CCDC171: variants seen among roughly 807,000 people sequenced by gnomAD.
CCDC171 encodes the protein coiled-coil domain containing 171.
Under a neutral mutation model 168.2 loss-of-function variants are expected in CCDC171, and 177 were observed. That is an observed-to-expected ratio of 1.05 (90% CI 0.93 to 1.19). The LOEUF (loss-of-function observed/expected upper bound fraction) is 1.19. Ranked by LOEUF, CCDC171 falls within the 50% of genes most tolerant of loss-of-function variation. CCDC171 has a pLI of 0.00. For synonymous variants in CCDC171, 687 were observed against 540.8 expected (o/e 1.27, Z -3.75); for missense variants, 1,991 against 1,539.0 (o/e 1.29, Z -4.91).
At chr9:15,905,960 A>C (rs1309222767) in intron 24 of CCDC171, among the ~76,000 whole-genome samples, 1 of 152,232 alleles carries the variant, frequency 6.6e-6, no homozygotes, top group Non-Finnish European at 1.5e-5. Context: ...ACACCCTCCC[A>C]AGACTAAACC....
intron 24 of CCDC171, among the ~76,000 whole-genome samples, chr9:15,904,545 C>G (rs1429931029): frequency 1.3e-5 from 2 of 151,934 alleles, no homozygotes; most frequent in Non-Finnish European, 2.9e-5. Flanking sequence ...AAAGGGACAA[C>G]CAGTACCAGC....
At chr9:15,724,239 G>A (rs1449778299) in intron 13 of CCDC171, among the ~76,000 whole-genome samples, 2 of 152,138 alleles carry the variant, frequency 1.3e-5, no homozygotes, top group African/African-American at 4.8e-5. Context: ...ATTATGCTGA[G>A]TCAACTCTCA....
chr9:16,020,780 A>T (rs947750080), exon 4 of CCDC171: 9 of 154,298 alleles, frequency 5.8e-5, no homozygotes, highest in Non-Finnish European at 8.8e-5. Flanking sequence ...ACATTTCATC[A>T]TGTGCCTCCG....
the CCDC171 span, among the ~76,000 whole-genome samples, chr9:16,088,152 G>A: frequency 6.6e-6 from 1 of 152,116 alleles, no homozygotes; most frequent in Non-Finnish European, 1.5e-5. Flanking sequence ...TGCAGAAAAG[G>A]CCTTTGATAA....
At position 15,971,499 on chromosome 9, in the gene CCDC171, T is replaced by C. The variant is rs912068725; in HGVS notation, c.3754-110T>C. Reference sequence around the variant, plus strand: ...GATTATTGAAATAGTAGTTTCCATCTCATTTTTATATTATAATGATTATTA... The same window carrying C: ...GATTATTGAAATAGTAGTTTCCATCCCATTTTTATATTATAATGATTATTA... On this transcript the variant is annotated intron_variant, in intron 25 of 25. Coordinates refer to ENST00000380701, the MANE Select transcript of CCDC171 (RefSeq NM_173550.4). 4.6e-5 allele frequency: 30 copies of C among 648,728 alleles called. No homozygotes were observed. In the Admixed American group the frequency reaches 7.9e-4, roughly 17 times the overall value. 40.2% of individuals were successfully genotyped at this position (648,728 alleles called of 1,614,324 possible).
chr9:15,776,749 A>T (rs1026525390), intron 18 of CCDC171, among the ~76,000 whole-genome samples: 2 of 152,220 alleles, frequency 1.3e-5, no homozygotes, highest in African/African-American at 4.8e-5. Flanking sequence ...TAAGGATAAA[A>T]CATTTTTAAT....
intron 1 of CCDC171, among the ~76,000 whole-genome samples, chr9:16,057,452 GT>G (rs1338313527): frequency 6.6e-6 from 1 of 152,116 alleles, no homozygotes; most frequent in Non-Finnish European, 1.5e-5. Context: ...TGTTTGTTTT[GT>G]TTTGTTTTTT....
At chr9:15,677,131 A>T (rs369605057) in intron 9 of CCDC171, among the ~76,000 whole-genome samples, 23 of 151,940 alleles carry the variant, frequency 1.5e-4, no homozygotes, top group African/African-American at 4.6e-4. Flanking sequence ...GGAAATTCTC[A>T]TTGCTTTGTT....
intron 23 of CCDC171, among the ~76,000 whole-genome samples, chr9:15,874,283 G>A (rs966996267): frequency 1.4e-4 from 21 of 152,066 alleles, no homozygotes; most frequent in Admixed American, 9.8e-4. Flanking sequence ...TTGATCAGAA[G>A]AGCTCTAGTG....
At position 15,986,591 on chromosome 9, in the gene CCDC171, A is replaced by G. The variant is rs1284702820; in HGVS notation, n.369-33998A>G. On this transcript the variant is annotated intron_variant and non_coding_transcript_variant, in intron 3 of 9. Coordinates refer to the CCDC171 transcript ENST00000486641. ...AGATTTTATACGAAGAGGGCAACAA[A>G]ACCCCAGATTGCCCTAGATCCTTGT... 7.2e-5 allele frequency among the ~76,000 whole-genome samples: 11 copies of G among 152,274 alleles called. No individual in the cohort carries two copies. The East Asian group carries it at 1.9e-3, about 27-fold the overall frequency.
chr9:15,962,111 T>C (rs1406392300), intron 25 of CCDC171, among the ~76,000 whole-genome samples: 1 of 152,200 alleles, frequency 6.6e-6, no homozygotes, highest in African/African-American at 2.4e-5. Context: ...AACACAGCCA[T>C]GCTCATTCAT....
At chr9:15,913,316 A>AGG (rs1242045851) in intron 24 of CCDC171, among the ~76,000 whole-genome samples, 5 of 152,182 alleles carry the variant, frequency 3.3e-5, no homozygotes, top group Non-Finnish European at 7.3e-5. Context: ...TTATTTGCAT[A>AGG]GGGGTATTTA....
Position 15,677,915 on chromosome 9 carries a change from TATATATATATAA to T in CCDC171, c.1077-842_1077-831del, listed in dbSNP as rs1387308939. 5.5e-3 allele frequency among the ~76,000 whole-genome samples: 172 copies of T among 31,344 alleles called. 13 individuals are homozygous for T. The highest frequency in any genetic ancestry group is 8.0e-3 in the South Asian group (6 of 748). 20.6% of individuals were successfully genotyped at this position (31,344 alleles called of 152,430 possible). A position where few individuals can be genotyped will look rare whatever the true frequency, so the allele number is the denominator to read the frequency against. On this transcript the variant is annotated intron_variant, in intron 9 of 25. Transcript: ENST00000380701. ...ATATATATATATATATATATATATA[TATATATATATAA>T]GAGATGTGGTCTCATTCTGTTACCT...
chr9:16,057,368 G>C (rs539357116), intron 1 of CCDC171, among the ~76,000 whole-genome samples: 2 of 152,312 alleles, frequency 1.3e-5, no homozygotes, highest in East Asian at 3.9e-4. Context: ...GTAGTGGGAA[G>C]GGAACTTCCC....
At chr9:15,880,676 G>T (rs1022370344) in intron 24 of CCDC171, among the ~76,000 whole-genome samples, 8 of 144,120 alleles carry the variant, frequency 5.6e-5, no homozygotes, top group African/African-American at 1.6e-4. Context: ...AGGTTTCACC[G>T]TGTTGGCCAG....
chr9:15,909,248 G>A (rs1023555363), intron 24 of CCDC171, among the ~76,000 whole-genome samples: 5 of 152,168 alleles, frequency 3.3e-5, no homozygotes, highest in African/African-American at 1.2e-4. Context: ...TGTAGTTGGT[G>A]TTACCATTGT....
At chr9:15,633,749 G>C (rs532642209) in intron 7 of CCDC171, among the ~76,000 whole-genome samples, 4 of 152,182 alleles carry the variant, frequency 2.6e-5, no homozygotes, top group South Asian at 2.1e-4. Context: ...GCACTATTCA[G>C]AATAGCAAAG....
rs189513096 is a variant in CCDC171 at position 16,050,181 on chromosome 9, C to T, written n.89+7295C>T. The stretch of plus-strand genomic sequence containing the variant: ...GGATTACAGGCATGAGCCACCGCAC[C>T]TGGCTTTCTTACTGTATTTCTTACA... On this transcript the variant is annotated intron_variant and non_coding_transcript_variant, in intron 1 of 1. Coordinates refer to the CCDC171 transcript ENST00000478913. Among the ~76,000 whole-genome samples, 24 of 152,340 alleles carry T rather than the reference C, an allele frequency of 1.6e-4. No individual in the cohort carries two copies. In the East Asian group the frequency reaches 4.4e-3, roughly 28 times the overall value.
At chr9:15,906,078 G>A (rs1040250045) in intron 24 of CCDC171, among the ~76,000 whole-genome samples, 41 of 152,246 alleles carry the variant, frequency 2.7e-4, no homozygotes, top group African/African-American at 9.1e-4. Flanking sequence ...ATTCACAGCC[G>A]AATTCTACCA....
Sources: allele counts gnomAD v4.1 joint callset (sites outside exome capture counted in the v4.1 genomes callset), GRCh38; gene constraint gnomAD v4.1.1; transcripts MANE v1.5; gene names NCBI Gene and HGNC (gene_info 2026-07-23, HGNC 2026-07-21).